CTNNA3: variants seen among roughly 807,000 people sequenced by gnomAD.
The protein encoded by CTNNA3 is catenin alpha-3.
In CTNNA3, 76 loss-of-function variants were observed where a neutral mutation model predicts 95.7. The ratio of observed to expected loss-of-function variants is 0.79; its 90% CI spans 0.66 to 0.96. The LOEUF (loss-of-function observed/expected upper bound fraction) is 0.96. Among genes scored for constraint, CTNNA3 ranks in the 40% least tolerant of loss-of-function variants. The pLI is 0.00. For missense variants in CTNNA3, 1,191 were observed against 1,089.8 expected (o/e 1.09, Z -1.31); for synonymous variants, 431 against 374.4 (o/e 1.15, Z -1.74).
chr10:67,031,154 T>C (rs540741527), intron 7 of CTNNA3, among the ~76,000 whole-genome samples: 22 of 152,328 alleles, frequency 1.4e-4, no homozygotes, highest in Non-Finnish European at 3.1e-4. Context: ...CTTAATAAAG[T>C]TGTATTATTC....
In CTNNA3 at chr10:66,103,248, G is replaced by C. The variant is rs760749756; in HGVS notation, c.1886C>G (p.Thr629Ser). The C allele has an allele frequency of 6.2e-7, 1 of 1,613,124 alleles. No individual in the cohort carries two copies. The highest frequency in any genetic ancestry group is 8.5e-7 in the Non-Finnish European group (1 of 1,179,112). The stretch of plus-strand genomic sequence containing the variant: ...AGAAACATCCTCCAGTTCCTCTGGG[G>C]TCTATAAAAAGAAAGCAAAACATTG... Reference protein sequence around the residue: ...DIRCSVMMIRTPEELEDVSDL... With the variant: ...DIRCSVMMIRSPEELEDVSDL... Residue 629 changes from threonine to serine, a missense_variant and splice_region_variant, in exon 14 of 18, where the codon ACC (threonine) becomes AGC (serine). By Grantham distance (58) the Thr-to-Ser change is moderately conservative. Coordinates refer to ENST00000433211, the MANE Select transcript of CTNNA3 (RefSeq NM_013266.4).
chr10:66,129,202 T>G (rs549126319), intron 13 of CTNNA3, among the ~76,000 whole-genome samples: 3 of 152,306 alleles, frequency 2.0e-5, no homozygotes, highest in Admixed American at 2.0e-4. Flanking sequence ...AGGTGGAGGT[T>G]GCAGTGAGCC....
intron 7 of CTNNA3, among the ~76,000 whole-genome samples, chr10:67,179,597 G>T (rs1454199833): frequency 6.6e-6 from 1 of 151,862 alleles, no homozygotes; most frequent in Non-Finnish European, 1.5e-5. Context: ...GGGAGGCCAA[G>T]GTGGGAGGGT....
intron 7 of CTNNA3, among the ~76,000 whole-genome samples, chr10:67,026,300 A>T (rs997554837): frequency 1.3e-5 from 2 of 152,130 alleles, no homozygotes; most frequent in Admixed American, 6.6e-5. Context: ...ACTTATGACC[A>T]TCTGGCAATC....
intron 3 of CTNNA3, among the ~76,000 whole-genome samples, chr10:67,582,777 C>T (rs867210371): frequency 5.3e-5 from 8 of 152,212 alleles, no homozygotes; most frequent in African/African-American, 1.7e-4. Context: ...GGATAGTTAG[C>T]TCTTCTTGTT....
chr10:65,944,362 T>C (rs2077477652), intron 17 of CTNNA3, among the ~76,000 whole-genome samples: 1 of 152,258 alleles, frequency 6.6e-6, no homozygotes, highest in South Asian at 2.1e-4. Context: ...GCATGGCTAG[T>C]GTTCCCAGGT....
chr10:66,655,862 A>G (rs1275982991), intron 9 of CTNNA3, among the ~76,000 whole-genome samples: 1 of 152,094 alleles, frequency 6.6e-6, no homozygotes, highest in African/African-American at 2.4e-5. Flanking sequence ...GGCAGAAAGT[A>G]TATACAAGTA....
At chr10:67,691,040 C>T (rs920638980) in intron 1 of CTNNA3, among the ~76,000 whole-genome samples, 25 of 152,220 alleles carry the variant, frequency 1.6e-4, no homozygotes, top group East Asian at 1.9e-4. Context: ...TGCAGGCGCG[C>T]GCCGCCACGC....
At chr10:67,757,776 A>G (rs1841441673) in intron 1 of CTNNA3, among the ~76,000 whole-genome samples, 1 of 152,122 alleles carries the variant, frequency 6.6e-6, no homozygotes, top group Admixed American at 6.5e-5. Context: ...TTGCTCCTCA[A>G]TCTGCGGACA....
At chr10:67,571,437 C>G (rs914552134) in intron 3 of CTNNA3, among the ~76,000 whole-genome samples, 26 of 152,108 alleles carry the variant, frequency 1.7e-4, no homozygotes, top group African/African-American at 6.3e-4. Flanking sequence ...CCTTGGAAAA[C>G]AAGTGTTTCT....
At chr10:66,057,219 A>T (rs963332068) in intron 15 of CTNNA3, among the ~76,000 whole-genome samples, 6 of 152,184 alleles carry the variant, frequency 3.9e-5, no homozygotes, top group Non-Finnish European at 7.3e-5. Flanking sequence ...CTGGATGAGC[A>T]GTCCCTGTAT....
At chr10:67,217,375 A>G (rs569104792) in intron 6 of CTNNA3, among the ~76,000 whole-genome samples, 1 of 152,348 alleles carries the variant, frequency 6.6e-6, no homozygotes, top group East Asian at 1.9e-4. Context: ...AAAAATATAG[A>G]AAACTTAGGC....
chr10:66,860,550 C>G (rs1336285248), intron 7 of CTNNA3, among the ~76,000 whole-genome samples: 1 of 152,104 alleles, frequency 6.6e-6, no homozygotes, highest in Non-Finnish European at 1.5e-5. Context: ...CCTCATGGCT[C>G]TTGTTTTGAC....
intron 13 of CTNNA3, among the ~76,000 whole-genome samples, chr10:66,189,046 C>G (rs1356585741): frequency 6.6e-6 from 1 of 151,956 alleles, no homozygotes; most frequent in Non-Finnish European, 1.5e-5. Flanking sequence ...CTATTCAAGT[C>G]CTTTGCTCAC....
intron 5 of CTNNA3, among the ~76,000 whole-genome samples, chr10:67,257,365 T>G (rs1792393665): frequency 6.6e-6 from 1 of 152,260 alleles, no homozygotes; most frequent in Admixed American, 6.5e-5. Context: ...AATTTCAGTT[T>G]AAACTAGGAA....
At chr10:67,524,088 T>C (rs914453843) in intron 4 of CTNNA3, among the ~76,000 whole-genome samples, 2 of 152,182 alleles carry the variant, frequency 1.3e-5, no homozygotes, top group African/African-American at 4.8e-5. Context: ...ATGGGAACTT[T>C]AGAGCAAACA....
At position 66,928,693 on chromosome 10, in the gene CTNNA3, GT is replaced by G. The variant is rs1226726738; in HGVS notation, c.1048-153170del. On this transcript the variant is annotated intron_variant, in intron 7 of 17. Coordinates refer to ENST00000433211, the MANE Select transcript of CTNNA3 (RefSeq NM_013266.4). ...CAATCAATGTGAAGCTTGAACTCCGGTTTAATATAATACCTATTGTATAAGA... is the reference window on the plus strand; with the variant it reads ...CAATCAATGTGAAGCTTGAACTCCGGTTAATATAATACCTATTGTATAAGA... Among the ~76,000 whole-genome samples, 4 of 152,274 alleles carry G rather than the reference GT, an allele frequency of 2.6e-5. No individual in the cohort carries two copies. In the South Asian group the frequency reaches 6.2e-4, roughly 24 times the overall value.
At chr10:66,795,150 C>A (rs566490319) in intron 7 of CTNNA3, among the ~76,000 whole-genome samples, 1 of 152,254 alleles carries the variant, frequency 6.6e-6, no homozygotes, top group South Asian at 2.1e-4. Flanking sequence ...TTAATGGCAT[C>A]TAAAATAGTG....
intron 17 of CTNNA3, among the ~76,000 whole-genome samples, chr10:65,938,667 C>T (rs1439778841): frequency 6.6e-6 from 1 of 152,148 alleles, no homozygotes; most frequent in African/African-American, 2.4e-5. Flanking sequence ...CTATCTCACT[C>T]CAGAATATGA....
Sources: gnomAD v4.1 joint callset for allele counts (sites outside exome capture counted in the v4.1 genomes callset) on GRCh38, gnomAD v4.1.1 for gene constraint, MANE v1.5 for transcripts, NCBI Gene and HGNC (gene_info 2026-07-23, HGNC 2026-07-21) for gene names.